ARHGAP15: variants seen among roughly 807,000 people sequenced by gnomAD.
ARHGAP15 encodes rho GTPase-activating protein 15.
A neutral mutation model predicts 63.7 loss-of-function variants in ARHGAP15; 51 were observed. That is an observed-to-expected ratio of 0.80 (90% confidence interval 0.64 to 1.01). The LOEUF is 1.01. ARHGAP15 is among the 50% of genes least tolerant of loss of function. The probability of loss-of-function intolerance (pLI) is 0.00; values close to 1 mark genes in which losing one functional copy is unlikely to be tolerated. For synonymous variants in ARHGAP15, 191 were observed against 193.8 expected, an observed-to-expected ratio of 0.99 and a Z score of 0.12; for missense variants, 560 against 564.6, an observed-to-expected ratio of 0.99 and a Z score of 0.08.
intron 12 of ARHGAP15, among the ~76,000 whole-genome samples, chr2:143,691,531 A>G (rs1013547627): frequency 6.6e-6 from 1 of 152,186 alleles, no homozygotes; most frequent in African/African-American, 2.4e-5. Flanking sequence ...ATATGTAAAA[A>G]ATGGCTATTA....
At chr2:143,279,337 A>G (rs566509907) in intron 6 of ARHGAP15, among the ~76,000 whole-genome samples, 1 of 152,140 alleles carries the variant, frequency 6.6e-6, no homozygotes, top group Non-Finnish European at 1.5e-5. Flanking sequence ...GCGTCTGATG[A>G]TGGGAAGTAC....
At chr2:143,133,733 T>A (rs1688999449) in intron 1 of ARHGAP15, among the ~76,000 whole-genome samples, 1 of 152,160 alleles carries the variant, frequency 6.6e-6, no homozygotes, top group South Asian at 2.1e-4. Context: ...TTAGATAAGC[T>A]ATTTCTTATA....
At chr2:143,353,273 A>ATG (rs1460187881) in intron 6 of ARHGAP15, among the ~76,000 whole-genome samples, 2 of 152,146 alleles carry the variant, frequency 1.3e-5, no homozygotes, top group Admixed American at 6.6e-5. Flanking sequence ...CTGGACAACA[A>ATG]TGTGAGATCC....
At chr2:143,605,996 A>C (rs1386455356) in intron 11 of ARHGAP15, among the ~76,000 whole-genome samples, 1 of 128,940 alleles carries the variant, frequency 7.8e-6, no homozygotes, top group Admixed American at 9.3e-5. Flanking sequence ...AGATGGTGCC[A>C]CTGCACTCCA....
At position 143,755,594 on chromosome 2, in the gene ARHGAP15, C is replaced by A. The variant is rs552377793; in HGVS notation, c.1245-12395C>A. ...GCTAACCAAACACCTTCAGTTCCTG[C>A]GCTCTTCCATTTAGAAGCCACTCTC... On this transcript the variant is annotated intron_variant, in intron 13 of 13. Coordinates refer to ENST00000295095, the MANE Select transcript of ARHGAP15 (RefSeq NM_018460.4). Among the ~76,000 whole-genome samples the A allele has an allele frequency of 4.6e-4, 70 of 152,252 alleles. 1 individual carries two copies. Among genetic ancestry groups the A allele is most frequent in the East Asian group, 1.7e-3 (9 of 5,182 alleles).
intron 5 of ARHGAP15, among the ~76,000 whole-genome samples, chr2:143,248,552 G>C (rs1694142633): frequency 6.6e-6 from 1 of 152,144 alleles, no homozygotes; most frequent in Non-Finnish European, 1.5e-5. Flanking sequence ...GGGTAACCTT[G>C]AGGAAATTTA....
intron 11 of ARHGAP15, chr2:143,608,103 T>C (rs1698111946): frequency 6.6e-6 from 1 of 152,180 alleles, no homozygotes; most frequent in Admixed American, 6.6e-5. Flanking sequence ...GCTGAAAATG[T>C]CACTTCAACT....
chr2:143,648,917 T>C lies in ARHGAP15; in HGVS notation c.1138+24650T>C, dbSNP rs560207672. Reference sequence around the variant, plus strand: ...AGGTAGTCTTTGCAGTTCAACTATATAAAAGAGGGTCGTATCTCTATGAAT... The same window carrying C: ...AGGTAGTCTTTGCAGTTCAACTATACAAAAGAGGGTCGTATCTCTATGAAT... On this transcript the variant is annotated intron_variant, in intron 12 of 13. Transcript: ENST00000295095. 7 of 152,052 alleles carry C rather than the reference T, an allele frequency of 4.6e-5. No individual in the cohort carries two copies. The East Asian group carries it at 1.2e-3, about 25-fold the overall frequency. 9.4% of individuals were successfully genotyped at this position (152,052 alleles called of 1,614,324 possible). A position where few individuals can be genotyped will look rare whatever the true frequency, so the allele number is the denominator to read the frequency against.
chr2:143,673,784 A>ATGTATATATATATATGTATATATATAT (rs71404481), intron 12 of ARHGAP15, among the ~76,000 whole-genome samples: 9 of 114,188 alleles, frequency 7.9e-5, no homozygotes, highest in African/African-American at 2.6e-4. Flanking sequence ...ATATATATAT[A>ATGTATATATATATATGTATATATATAT]AACAACTCCT....
intron 6 of ARHGAP15, among the ~76,000 whole-genome samples, chr2:143,414,364 T>G (rs939707227): frequency 4.6e-5 from 7 of 151,892 alleles, no homozygotes; most frequent in Non-Finnish European, 8.8e-5. Flanking sequence ...ATACTGGAGA[T>G]AAGAAAATGG....
chr2:143,488,261 CAG>C (rs1692416979), intron 9 of ARHGAP15, among the ~76,000 whole-genome samples: 1 of 152,196 alleles, frequency 6.6e-6, no homozygotes, highest in African/African-American at 2.4e-5. Flanking sequence ...AAGCATTCAA[CAG>C]AGTTTCTGGA....
intron 5 of ARHGAP15, among the ~76,000 whole-genome samples, chr2:143,230,708 G>A (rs890434418): frequency 2.0e-5 from 3 of 152,152 alleles, no homozygotes; most frequent in Non-Finnish European, 4.4e-5. Context: ...AGTATTAAAG[G>A]CCTAGTGGGA....
intron 6 of ARHGAP15, among the ~76,000 whole-genome samples, chr2:143,267,218 TA>T (rs1482408876): frequency 6.6e-6 from 1 of 152,210 alleles, no homozygotes; most frequent in Non-Finnish European, 1.5e-5. Context: ...TCAATCTAAA[TA>T]AAGGTTTGCC....
intron 11 of ARHGAP15, among the ~76,000 whole-genome samples, chr2:143,622,208 C>CT (rs955738284): frequency 6.6e-5 from 10 of 152,048 alleles, no homozygotes; most frequent in Admixed American, 6.6e-4. Flanking sequence ...CAGCAAAGTG[C>CT]TTAAAAGATA....
intron 10 of ARHGAP15, among the ~76,000 whole-genome samples, chr2:143,526,850 T>C (rs1694303269): frequency 6.6e-6 from 1 of 152,202 alleles, no homozygotes; most frequent in Non-Finnish European, 1.5e-5. Flanking sequence ...TAGAAATGTT[T>C]TGATTCTTGT....
At chr2:143,499,814 G>T (rs567600809) in intron 9 of ARHGAP15, among the ~76,000 whole-genome samples, 13 of 152,052 alleles carry the variant, frequency 8.5e-5, no homozygotes, top group Admixed American at 7.2e-4. Flanking sequence ...GTCAAAGAAA[G>T]CCTCTCCTTT....
chr2:143,301,499 G>A (rs1392286632), intron 6 of ARHGAP15, among the ~76,000 whole-genome samples: 5 of 151,930 alleles, frequency 3.3e-5, no homozygotes, highest in Non-Finnish European at 7.4e-5. Flanking sequence ...AAGTCACTAT[G>A]ATTACTTGAT....
intron 13 of ARHGAP15, among the ~76,000 whole-genome samples, chr2:143,736,935 A>G (rs939728196): frequency 6.6e-6 from 1 of 152,246 alleles, no homozygotes. Flanking sequence ...AATTTTAGAC[A>G]TAATAGAATA....
chr2:143,744,602 G>A (rs1255511942), intron 13 of ARHGAP15, among the ~76,000 whole-genome samples: 3 of 152,206 alleles, frequency 2.0e-5, no homozygotes, highest in Non-Finnish European at 4.4e-5. Flanking sequence ...GAGTGCGAAT[G>A]TATAAACACA....
Sources: gnomAD v4.1 joint callset for allele counts (sites outside exome capture counted in the v4.1 genomes callset) on GRCh38, gnomAD v4.1.1 for gene constraint, MANE v1.5 for transcripts, NCBI Gene and HGNC (gene_info 2026-07-23, HGNC 2026-07-21) for gene names.